The following CCSER1 variants were observed in gnomAD, a reference collection of about 807,000 sequenced individuals.
The protein encoded by CCSER1 is serine-rich coiled-coil domain-containing protein 1.
Under a neutral mutation model 82.0 loss-of-function variants are expected in CCSER1, and 41 were observed. The observed-to-expected ratio is 0.50, with a 90% CI of 0.39 to 0.65. The LOEUF (loss-of-function observed/expected upper bound fraction) is 0.65. Ranked by LOEUF, CCSER1 falls within the 30% of genes least tolerant of loss-of-function variation. The pLI, the probability that CCSER1 is intolerant of heterozygous loss-of-function variation, is 0.00. For synonymous variants in CCSER1, 414 were observed against 383.9 expected (o/e 1.08, Z -0.92); for missense variants, 1,119 against 1,064.2 (o/e 1.05, Z -0.72).
At chr4:90,697,820 G>A (rs1169710582) in intron 6 of CCSER1, among the ~76,000 whole-genome samples, 2 of 152,112 alleles carry the variant, frequency 1.3e-5, no homozygotes, top group East Asian at 1.9e-4. Flanking sequence ...AGGAATACAT[G>A]TATAAGAAGT....
At chr4:91,347,425 A>G (rs1325923789) in intron 10 of CCSER1, among the ~76,000 whole-genome samples, 1 of 151,862 alleles carries the variant, frequency 6.6e-6, no homozygotes, top group African/African-American at 2.4e-5. Context: ...CTTCTTCAAT[A>G]TTGTGTTAAA....
chr4:90,583,953 A>G (rs764948918), intron 5 of CCSER1, among the ~76,000 whole-genome samples: 1 of 152,160 alleles, frequency 6.6e-6, no homozygotes, highest in Non-Finnish European at 1.5e-5. Context: ...CCAATAATAT[A>G]AAAGGTACAA....
chr4:90,202,051 G>A (rs138312280), intron 1 of CCSER1, among the ~76,000 whole-genome samples: 2 of 152,146 alleles, frequency 1.3e-5, no homozygotes, highest in African/African-American at 4.8e-5. Context: ...TTCCAAAGAG[G>A]TATTAATTAA....
chr4:90,644,448 A>G (rs1727122311), intron 6 of CCSER1, among the ~76,000 whole-genome samples: 1 of 151,946 alleles, frequency 6.6e-6, no homozygotes. Context: ...GGGTTGCTCA[A>G]TCTGTATTTT....
intron 1 of CCSER1, among the ~76,000 whole-genome samples, chr4:90,204,006 G>A (rs1337887621): frequency 1.3e-5 from 2 of 152,150 alleles, no homozygotes; most frequent in African/African-American, 4.8e-5. Flanking sequence ...AGAAGTGTCT[G>A]TTCACATCCT....
intron 10 of CCSER1, among the ~76,000 whole-genome samples, chr4:91,150,953 A>T (rs186071306): frequency 6.6e-6 from 1 of 152,148 alleles, no homozygotes; most frequent in East Asian, 1.9e-4. Flanking sequence ...TGTCTCTGCC[A>T]GGCTTTGGTA....
chr4:91,467,372 A>G (rs961596765), intron 10 of CCSER1, among the ~76,000 whole-genome samples: 3 of 152,234 alleles, frequency 2.0e-5, no homozygotes, highest in Non-Finnish European at 2.9e-5. Flanking sequence ...AAAGACTTCA[A>G]TGTTAGACCT....
chr4:91,526,762 T>G (rs1483469876), intron 10 of CCSER1, among the ~76,000 whole-genome samples: 5 of 152,064 alleles, frequency 3.3e-5, no homozygotes, highest in Non-Finnish European at 5.9e-5. Flanking sequence ...GCCCAGCTAA[T>G]TTTTTGTATT....
intron 6 of CCSER1, among the ~76,000 whole-genome samples, chr4:90,689,485 A>T (rs186961178): frequency 1.3e-5 from 2 of 152,306 alleles, no homozygotes; most frequent in African/African-American, 4.8e-5. Context: ...AATTGAACTA[A>T]GATTTCTAAT....
At chr4:90,799,395 C>A (rs1409268138) in intron 7 of CCSER1, among the ~76,000 whole-genome samples, 1 of 152,142 alleles carries the variant, frequency 6.6e-6, no homozygotes, top group Non-Finnish European at 1.5e-5. Context: ...TCCATCTGGG[C>A]AGACACACAC....
intron 10 of CCSER1, among the ~76,000 whole-genome samples, chr4:91,174,780 G>C (rs561462982): frequency 6.7e-6 from 1 of 150,258 alleles, no homozygotes; most frequent in Non-Finnish European, 1.5e-5. Flanking sequence ...TATTTATTAA[G>C]CTCCTCCTAG....
chr4:91,455,425 G>C (rs573306027), intron 10 of CCSER1, among the ~76,000 whole-genome samples: 218 of 152,144 alleles, frequency 1.4e-3, no homozygotes, highest in Non-Finnish European at 2.4e-3. Flanking sequence ...GAATAGGATT[G>C]AGATTAGTGC....
rs527828442 is a variant in CCSER1, at chr4:90,760,111, C to G, written c.2010+36120C>G. Among the ~76,000 whole-genome samples the G allele has an allele frequency of 8.7e-4, 132 of 151,386 alleles. No homozygotes were observed. The South Asian group carries it at 0.016, about 18-fold the overall frequency. ...CAGTCTTGTAAGCAATAATTATTGC[C>G]TATTTAAAATAAGAAATGAAGGATA... On this transcript the variant is annotated intron_variant, in intron 7 of 10. Transcript: ENST00000509176.
intron 10 of CCSER1, among the ~76,000 whole-genome samples, chr4:91,277,765 G>A (rs1742597967): frequency 6.6e-6 from 1 of 151,350 alleles, no homozygotes; most frequent in South Asian, 2.1e-4. Flanking sequence ...ATTTCTTGAG[G>A]TGCATCATTG....
intron 8 of CCSER1, among the ~76,000 whole-genome samples, chr4:90,839,639 C>G (rs561118604): frequency 6.6e-6 from 1 of 152,272 alleles, no homozygotes; most frequent in South Asian, 2.1e-4. Context: ...ATCTACAGAT[C>G]AAATTACCCT....
At chr4:91,496,698 ATATATATATATATT>A (rs1758877342) in intron 10 of CCSER1, among the ~76,000 whole-genome samples, 1 of 37,132 alleles carries the variant, frequency 2.7e-5, no homozygotes, top group African/African-American at 7.1e-5. Context: ...TATATATTCA[ATATATATATATATT>A]CAATATATAG....
chr4:90,667,782 G>T (rs1299919168), intron 6 of CCSER1, among the ~76,000 whole-genome samples: 1 of 152,032 alleles, frequency 6.6e-6, no homozygotes, highest in African/African-American at 2.4e-5. Flanking sequence ...TTGGTGTTGT[G>T]AATTATTAAT....
chr4:91,052,114 A>G (rs774137941), intron 9 of CCSER1, among the ~76,000 whole-genome samples: 3 of 151,856 alleles, frequency 2.0e-5, no homozygotes, highest in Non-Finnish European at 4.4e-5. Context: ...TTTTTGTGGG[A>G]AAAAATGCCT....
chr4:91,043,194 T>C (rs1250204348), intron 9 of CCSER1, among the ~76,000 whole-genome samples: 1 of 152,012 alleles, frequency 6.6e-6, no homozygotes, highest in African/African-American at 2.4e-5. Flanking sequence ...ATTTATCTAA[T>C]TACAGTCCTG....
Sources: allele counts gnomAD v4.1 joint callset (sites outside exome capture counted in the v4.1 genomes callset), GRCh38; gene constraint gnomAD v4.1.1; transcripts MANE v1.5; gene names NCBI Gene and HGNC (gene_info 2026-07-23, HGNC 2026-07-21).